Variants in CEP85L observed in about 807,000 individuals in gnomAD.
CEP85L encodes centrosomal protein 85L, also known as centrosomal protein of 85 kDa-like.
In CEP85L, 60 loss-of-function variants were observed where a neutral mutation model predicts 100.3. The observed-to-expected ratio is 0.60, with a 90% CI of 0.49 to 0.74. The LOEUF is 0.74. CEP85L is among the 30% of genes least tolerant of loss of function. The probability of loss-of-function intolerance (pLI) is 0.00; values close to 1 mark genes in which losing one functional copy is unlikely to be tolerated. For synonymous variants in CEP85L, 319 were observed against 322.7 expected (o/e 0.99, Z 0.12); for missense variants, 973 against 936.2 (o/e 1.04, Z -0.51).
rs199773005 is a variant in CEP85L, at chr6:118,535,892, GGAC to G, written c.1021-11975_1021-11973del. 3.7e-3 allele frequency among the ~76,000 whole-genome samples: 560 copies of G among 151,892 alleles called. 2 individuals are homozygous for G. Among genetic ancestry groups the G allele is most frequent in the African/African-American group, 0.013 (534 of 41,422 alleles). On this transcript the variant is annotated intron_variant, in intron 3 of 12. Coordinates refer to ENST00000368491, the MANE Select transcript of CEP85L (RefSeq NM_001042475.3). ...AATCTTATAGATTTAATTTATTAAA[GGAC>G]TACTGTATACATTCTTCAAAACTCA...
intron 2 of CEP85L, among the ~76,000 whole-genome samples, chr6:118,588,506 C>G (rs1780995551): frequency 6.6e-6 from 1 of 152,140 alleles, no homozygotes; most frequent in South Asian, 2.1e-4. Context: ...GATTAACCCT[C>G]TAGTAGATTA....
At chr6:118,600,513 G>C (rs1394507393) in intron 2 of CEP85L, among the ~76,000 whole-genome samples, 2 of 151,444 alleles carry the variant, frequency 1.3e-5, no homozygotes, top group African/African-American at 4.9e-5. Context: ...GTAGAGACGG[G>C]GTTTCACCAT....
chr6:118,672,795 A>T (rs909598989), intron 1 of CEP85L, among the ~76,000 whole-genome samples: 7 of 151,542 alleles, frequency 4.6e-5, no homozygotes, highest in African/African-American at 1.5e-4. Flanking sequence ...AAGAAGGAGG[A>T]GGAAGGAGGA....
chr6:118,669,565 G>T (rs927988014), intron 1 of CEP85L, among the ~76,000 whole-genome samples: 1 of 151,908 alleles, frequency 6.6e-6, no homozygotes, highest in South Asian at 2.1e-4. Context: ...AACCACTAGG[G>T]TCTATAAATA....
At chr6:118,686,156 A>G (rs527917234) in intron 1 of CEP85L, among the ~76,000 whole-genome samples, 1 of 151,746 alleles carries the variant, frequency 6.6e-6, no homozygotes, top group Non-Finnish European at 1.5e-5. Flanking sequence ...TGGAGGGTCC[A>G]TGTGCTCGGA....
chr6:118,479,894 CA>C lies in CEP85L; in HGVS notation c.1890del (p.Ile630MetfsTer4). Reference protein sequence around the residue: ...SKIIDSQQDEIDRMILEIQSM... With the variant: ...SKIIDSQQDEXDRMILEIQSM... ...ACCTGAATTTCTAAAATCATTCTGT[CA>C]ATCTCATCTTGTTGGCTGTCTATTA... On this transcript the variant is annotated frameshift_variant, in exon 10 of 13. Transcript: ENST00000368491. LOFTEE classifies it high-confidence loss of function. The C allele has an allele frequency of 6.6e-7, 1 of 1,504,430 alleles. No homozygotes were observed. Among genetic ancestry groups the C allele is most frequent in the South Asian group, 1.2e-5 (1 of 81,160 alleles). 93.2% of individuals were successfully genotyped at this position (1,504,430 alleles called of 1,614,324 possible).
upstream of CEP85L, chr6:118,656,653 A>G (rs913239896): frequency 2.0e-5 from 3 of 152,192 alleles, no homozygotes; most frequent in African/African-American, 7.2e-5. Context: ...TACATAATAG[A>G]TGTACATATT....
intron 2 of CEP85L, among the ~76,000 whole-genome samples, chr6:118,608,983 C>G (rs1772430407): frequency 1.3e-5 from 2 of 152,168 alleles, no homozygotes; most frequent in Non-Finnish European, 2.9e-5. Context: ...ATCTTAATGG[C>G]TAAATCTCCT....
chr6:118,497,070 A>C (rs1582912696), intron 5 of CEP85L, among the ~76,000 whole-genome samples: 1 of 152,288 alleles, frequency 6.6e-6, no homozygotes, highest in African/African-American at 2.4e-5. Flanking sequence ...CCATAAAAAA[A>C]CCCGAACTGG....
At chr6:118,473,744 G>A (rs1404192580) in intron 10 of CEP85L, among the ~76,000 whole-genome samples, 1 of 152,018 alleles carries the variant, frequency 6.6e-6, no homozygotes, top group Admixed American at 6.6e-5. Context: ...CAATGGAGGA[G>A]GCAAGGAGAA....
intron 1 of CEP85L, among the ~76,000 whole-genome samples, chr6:118,673,764 A>G (rs1475513439): frequency 1.3e-5 from 2 of 152,246 alleles, no homozygotes; most frequent in Non-Finnish European, 2.9e-5. Context: ...CACAATCATC[A>G]GAATAAACAA....
At chr6:118,545,586 C>T (rs991773417) in intron 3 of CEP85L, among the ~76,000 whole-genome samples, 2 of 151,846 alleles carry the variant, frequency 1.3e-5, no homozygotes, top group Admixed American at 6.6e-5. Flanking sequence ...GACTCCGCAC[C>T]CCCTTCCAAA....
At chr6:118,679,249 A>T (rs74458095) in intron 1 of CEP85L, among the ~76,000 whole-genome samples, 1,911 of 152,310 alleles carry the variant, frequency 0.013, 26 homozygotes, top group African/African-American at 0.041. Context: ...TTCAGGAGAT[A>T]TGAGACCTTG....
intron 1 of CEP85L, among the ~76,000 whole-genome samples, chr6:118,642,267 C>T (rs1417925011): frequency 6.6e-6 from 1 of 152,022 alleles, no homozygotes; most frequent in Admixed American, 6.6e-5. Flanking sequence ...TATACCCTAC[C>T]CTTTTTATGA....
Position 118,600,370 on chromosome 6 carries a change from T to TGTGTGTGTGTGTGTGTGTGTGTGG in CEP85L, c.232+32082_232+32083insCCACACACACACACACACACACAC, listed in dbSNP as rs58066356. Among the ~76,000 whole-genome samples, 30 of 86,438 alleles carry TGTGTGTGTGTGTGTGTGTGTGTGG rather than the reference T, an allele frequency of 3.5e-4. 5 individuals are homozygous for TGTGTGTGTGTGTGTGTGTGTGTGG. The highest frequency in any genetic ancestry group is 5.4e-4 in the Non-Finnish European group (21 of 39,066). The allele number at this position is 86,438 out of a possible 152,430, so 56.7% of individuals were successfully genotyped here. On this transcript the variant is annotated intron_variant, in intron 2 of 12. Coordinates refer to ENST00000368491, the MANE Select transcript of CEP85L (RefSeq NM_001042475.3). The stretch of plus-strand genomic sequence containing the variant: ...GTGTGTGTGTGTGTGTGTGTGTGTG[T>TGTGTGTGTGTGTGTGTGTGTGTGG]AACGCCATGGAGCAATCTCAGCTCA...
chr6:118,606,692 C>T (rs9489462), intron 2 of CEP85L, among the ~76,000 whole-genome samples: 24,780 of 152,170 alleles, frequency 0.16, 2,158 homozygotes, highest in Non-Finnish European at 0.19. Flanking sequence ...AGACCTGCAG[C>T]CAAATTTGTT....
At chr6:118,482,137 A>G (rs1773836885) in intron 7 of CEP85L, among the ~76,000 whole-genome samples, 1 of 152,102 alleles carries the variant, frequency 6.6e-6, no homozygotes, top group African/African-American at 2.4e-5. Context: ...ATTACAAGGA[A>G]GAGAATGGGG....
At chr6:118,526,597 G>T (rs891771333) in intron 3 of CEP85L, among the ~76,000 whole-genome samples, 7 of 152,300 alleles carry the variant, frequency 4.6e-5, no homozygotes, top group South Asian at 2.1e-4. Flanking sequence ...GTTTGCAGCA[G>T]AACTGGTTTC....
intron 2 of CEP85L, among the ~76,000 whole-genome samples, chr6:118,612,371 CA>C (rs1772684534): frequency 6.6e-6 from 1 of 151,728 alleles, no homozygotes; most frequent in Non-Finnish European, 1.5e-5. Context: ...TTAAAAGTGG[CA>C]AACGGCCAGG....
Sources: allele counts gnomAD v4.1 joint callset (sites outside exome capture counted in the v4.1 genomes callset), GRCh38; gene constraint gnomAD v4.1.1; transcripts MANE v1.5; gene names NCBI Gene and HGNC (gene_info 2026-07-23, HGNC 2026-07-21).